DIAPH2: variants seen among roughly 807,000 people sequenced by gnomAD.
DIAPH2 encodes the protein protein diaphanous homolog 2.
In DIAPH2, 35 loss-of-function variants were observed where a neutral mutation model predicts 92.7. The observed-to-expected ratio is 0.38, with a 90% CI of 0.29 to 0.50. The LOEUF is 0.50. Ranked by LOEUF, DIAPH2 falls within the 20% of genes least tolerant of loss-of-function variation. The probability of loss-of-function intolerance (pLI) is 0.94; values close to 1 mark genes in which losing one functional copy is unlikely to be tolerated. For synonymous variants in DIAPH2, 301 were observed against 280.4 expected (o/e 1.07, Z -0.73); for missense variants, 701 against 819.5 (o/e 0.86, Z 1.77).
chrX:97,206,664 ATAAT>A (rs2067798994), intron 22 of DIAPH2, among the ~76,000 whole-genome samples: 1 of 112,232 alleles, frequency 8.9e-6, no homozygotes, highest in African/African-American at 3.2e-5. Flanking sequence ...ATGCTGAATG[ATAAT>A]TAAACATTCA....
intron 26 of DIAPH2, among the ~76,000 whole-genome samples, chrX:97,551,544 C>G (rs895800188): frequency 9.3e-6 from 1 of 107,322 alleles, no homozygotes; most frequent in Non-Finnish European, 1.9e-5. Flanking sequence ...GAGCCGAGAT[C>G]GTGCCGCCAT....
intron 23 of DIAPH2, among the ~76,000 whole-genome samples, chrX:97,279,455 C>G (rs1194228893): frequency 1.8e-5 from 2 of 109,579 alleles, no homozygotes; most frequent in Non-Finnish European, 3.8e-5. Context: ...AGGTGCCCAC[C>G]ACCATACCTG....
At chrX:96,859,049 G>A in intron 4 of DIAPH2, among the ~76,000 whole-genome samples, 1 of 111,777 alleles carries the variant, frequency 8.9e-6, no homozygotes, top group East Asian at 2.8e-4. Context: ...AGGAAGATAA[G>A]TCAATGGTTG....
At chrX:96,832,291 T>TA (rs902708326) in intron 4 of DIAPH2, among the ~76,000 whole-genome samples, 5 of 108,573 alleles carry the variant, frequency 4.6e-5, no homozygotes, top group East Asian at 2.9e-4. Context: ...CTTCCATAAC[T>TA]AAAAAAAAAA....
intron 4 of DIAPH2, among the ~76,000 whole-genome samples, chrX:96,876,108 C>A (rs2065176649): frequency 8.9e-6 from 1 of 112,009 alleles, no homozygotes; most frequent in South Asian, 3.7e-4. Context: ...AGGATATGAA[C>A]AGACACTTCT....
At chrX:97,382,543 C>T (rs1195989025) in intron 24 of DIAPH2, among the ~76,000 whole-genome samples, 5 of 111,925 alleles carry the variant, frequency 4.5e-5, no homozygotes, top group African/African-American at 9.8e-5. Flanking sequence ...AAGTGACAGT[C>T]GTGCTGAGGT....
chrX:97,595,527 G>C (rs1396429549), intron 26 of DIAPH2, among the ~76,000 whole-genome samples: 1 of 110,948 alleles, frequency 9.0e-6, no homozygotes, highest in Non-Finnish European at 1.9e-5. Context: ...CTTTTGTTTT[G>C]GCCACGCTTT....
intron 3 of DIAPH2, among the ~76,000 whole-genome samples, chrX:96,742,956 G>A (rs768671720): frequency 1.2e-4 from 13 of 112,556 alleles, no homozygotes; most frequent in Non-Finnish European, 2.1e-4. Flanking sequence ...GAGCCACTGT[G>A]CCCAGCCGAT....
rs201851023 is a variant in DIAPH2, at chrX:97,329,891, G to GAC, written c.2845-18180_2845-18179dup. Among the ~76,000 whole-genome samples, 524 of 79,447 alleles carry GAC rather than the reference G, an allele frequency of 6.6e-3. 7 individuals are homozygous for GAC. Among genetic ancestry groups the GAC allele is most frequent in the African/African-American group, 0.021 (424 of 20,446 alleles). The allele number at this position is 79,447 out of a possible 115,157, so 69.0% of individuals were successfully genotyped here. On this transcript the variant is annotated intron_variant, in intron 23 of 26. Coordinates refer to ENST00000324765, the MANE Select transcript of DIAPH2 (RefSeq NM_006729.5). ...TTTTTCTGCCCTCCCTGCATTCTTA[G>GAC]ACACACACACACACACACACACACA...
At chrX:96,811,155 G>A (rs1029197135) in intron 4 of DIAPH2, among the ~76,000 whole-genome samples, 5 of 111,878 alleles carry the variant, frequency 4.5e-5, no homozygotes, top group African/African-American at 1.3e-4. Flanking sequence ...CATGAGCATG[G>A]AATGTTCTTC....
chrX:97,243,817 A>G (rs760481625), intron 22 of DIAPH2, among the ~76,000 whole-genome samples: 2 of 111,805 alleles, frequency 1.8e-5, no homozygotes, highest in South Asian at 7.5e-4. Flanking sequence ...AATCATTATG[A>G]TTATATCTAA....
At chrX:96,703,727 G>T (rs2063868050) in intron 1 of DIAPH2, among the ~76,000 whole-genome samples, 1 of 111,683 alleles carries the variant, frequency 9.0e-6, no homozygotes, top group Non-Finnish European at 1.9e-5. Flanking sequence ...ATCCTCACTA[G>T]ATAAAGTTGT....
intron 23 of DIAPH2, among the ~76,000 whole-genome samples, chrX:97,273,490 G>A (rs768165930): frequency 3.6e-5 from 4 of 111,692 alleles, no homozygotes; most frequent in Admixed American, 9.6e-5. Flanking sequence ...TCAGATACAT[G>A]AAAATTAACA....
chrX:97,403,485 A>T (rs780276472), intron 25 of DIAPH2, among the ~76,000 whole-genome samples: 74 of 112,155 alleles, frequency 6.6e-4, no homozygotes, highest in Non-Finnish European at 1.1e-3. Context: ...AACAGCTTCA[A>T]ATTTCTCACA....
intron 22 of DIAPH2, among the ~76,000 whole-genome samples, chrX:97,216,282 C>T (rs1420827348): frequency 9.0e-6 from 1 of 111,268 alleles, no homozygotes; most frequent in Non-Finnish European, 1.9e-5. Flanking sequence ...ATTGTTAACT[C>T]ATACTACACA....
chrX:97,341,442 CTATTG>C (rs2069113314), intron 23 of DIAPH2: 1 of 110,376 alleles, frequency 9.1e-6, no homozygotes, highest in African/African-American at 3.3e-5. Context: ...TAAATTTTAT[CTATTG>C]TATTAGGGTT....
chrX:96,878,691 C>T (rs1039332272), intron 4 of DIAPH2, among the ~76,000 whole-genome samples: 1 of 110,978 alleles, frequency 9.0e-6, no homozygotes, highest in African/African-American at 3.3e-5. Flanking sequence ...ACAAGGAGTA[C>T]CTCGGCCATA....
intron 26 of DIAPH2, among the ~76,000 whole-genome samples, chrX:97,567,097 G>A (rs2071332718): frequency 8.9e-6 from 1 of 111,783 alleles, no homozygotes; most frequent in Non-Finnish European, 1.9e-5. Context: ...TAAATAGATT[G>A]TGGTAGAATA....
chrX:97,493,209 A>G (rs1037668437), intron 26 of DIAPH2, among the ~76,000 whole-genome samples: 4 of 111,983 alleles, frequency 3.6e-5, no homozygotes, highest in African/African-American at 1.3e-4. Context: ...TCACTGAACC[A>G]GAATTTCTGT....
Sources: allele counts gnomAD v4.1 joint callset (sites outside exome capture counted in the v4.1 genomes callset), GRCh38; gene constraint gnomAD v4.1.1; transcripts MANE v1.5; gene names NCBI Gene and HGNC (gene_info 2026-07-23, HGNC 2026-07-21).